LTBP1: variants seen among roughly 807,000 people sequenced by gnomAD.
LTBP1 encodes latent transforming growth factor beta binding protein 1, also known as latent-transforming growth factor beta-binding protein 1.
Under a neutral mutation model 207.6 loss-of-function variants are expected in LTBP1, and 129 were observed. The ratio of observed to expected loss-of-function variants is 0.62; its 90% confidence interval spans 0.54 to 0.72. The LOEUF (loss-of-function observed/expected upper bound fraction) is 0.72. Among genes scored for constraint, LTBP1 ranks in the 30% least tolerant of loss-of-function variants. The probability of loss-of-function intolerance (pLI) is 0.00; values close to 1 mark genes in which losing one functional copy is unlikely to be tolerated. For missense variants in LTBP1, 2,281 were observed against 2,217.2 expected, an observed-to-expected ratio of 1.03 and a Z score of -0.58; for synonymous variants, 963 against 833.7, an observed-to-expected ratio of 1.16 and a Z score of -2.67.
At chr2:32,985,044 G>A (rs1259120817) in intron 2 of LTBP1, among the ~76,000 whole-genome samples, 2 of 152,192 alleles carry the variant, frequency 1.3e-5, no homozygotes, top group African/African-American at 4.8e-5. Flanking sequence ...GTGCTATGTA[G>A]ATATTGACTA....
At chr2:33,356,826 G>A (rs1416734306) in intron 26 of LTBP1, among the ~76,000 whole-genome samples, 4 of 152,132 alleles carry the variant, frequency 2.6e-5, no homozygotes, top group African/African-American at 9.7e-5. Flanking sequence ...GAAATAAAGT[G>A]TCCTGGGTAA....
At chr2:33,059,472 G>A (rs1444798760) in intron 3 of LTBP1, among the ~76,000 whole-genome samples, 2 of 152,164 alleles carry the variant, frequency 1.3e-5, no homozygotes, top group Non-Finnish European at 1.5e-5. Context: ...TTTGGTTTAG[G>A]CTTGCCATGT....
At chr2:33,181,160 T>A (rs1487683222) in intron 5 of LTBP1, among the ~76,000 whole-genome samples, 4 of 152,170 alleles carry the variant, frequency 2.6e-5, no homozygotes, top group Admixed American at 2.6e-4. Context: ...TCAAGAACAT[T>A]CTTAGAGTGC....
intron 5 of LTBP1, among the ~76,000 whole-genome samples, chr2:33,164,542 T>A (rs2084760392): frequency 6.6e-6 from 1 of 152,058 alleles, no homozygotes; most frequent in African/African-American, 2.4e-5. Context: ...TAGTCTATGC[T>A]TTGACTTTAT....
At chr2:33,155,682 T>G (rs1004849766) in intron 5 of LTBP1, among the ~76,000 whole-genome samples, 2 of 152,178 alleles carry the variant, frequency 1.3e-5, no homozygotes, top group African/African-American at 4.8e-5. Flanking sequence ...ACTTTTCTCC[T>G]TTGCCTGTTT....
At chr2:33,153,430 T>C (rs994209414) in intron 5 of LTBP1, among the ~76,000 whole-genome samples, 1 of 152,192 alleles carries the variant, frequency 6.6e-6, no homozygotes, top group African/African-American at 2.4e-5. Flanking sequence ...GGAGTCAGGT[T>C]GGGCCAATAA....
At chr2:33,049,221 C>A (rs1485917948) in intron 3 of LTBP1, among the ~76,000 whole-genome samples, 1 of 152,160 alleles carries the variant, frequency 6.6e-6, no homozygotes, top group Non-Finnish European at 1.5e-5. Context: ...AAACTAAAAT[C>A]TTCCGGAGAG....
At chr2:33,038,764 G>A (rs1318556395) in intron 3 of LTBP1, among the ~76,000 whole-genome samples, 1 of 152,204 alleles carries the variant, frequency 6.6e-6, no homozygotes, top group Non-Finnish European at 1.5e-5. Flanking sequence ...ATGACTATAC[G>A]CTTGAGTCTT....
chr2:33,318,725 G>A (rs926205870), intron 24 of LTBP1, among the ~76,000 whole-genome samples: 19 of 152,078 alleles, frequency 1.2e-4, no homozygotes, highest in African/African-American at 4.3e-4. Flanking sequence ...TATAGCCAGA[G>A]CTTTTATCTT....
chr2:33,164,519 A>G (rs965772481), intron 5 of LTBP1, among the ~76,000 whole-genome samples: 2 of 152,004 alleles, frequency 1.3e-5, no homozygotes, highest in Non-Finnish European at 2.9e-5. Context: ...GCTAATGCTT[A>G]TTTATAGTAT....
chr2:33,103,857 A>G (rs2079900522), intron 3 of LTBP1, among the ~76,000 whole-genome samples: 2 of 152,048 alleles, frequency 1.3e-5, no homozygotes, highest in Admixed American at 6.6e-5. Flanking sequence ...AATTTTGTGG[A>G]GAAGAACTGG....
chr2:33,063,853 C>CTT (rs58115868), intron 3 of LTBP1, among the ~76,000 whole-genome samples: 202 of 147,550 alleles, frequency 1.4e-3, no homozygotes, highest in East Asian at 6.1e-3. Flanking sequence ...ATTGTATATT[C>CTT]TTTTTTTTTT....
At chr2:33,241,927 A>G (rs1299924378) in intron 9 of LTBP1, among the ~76,000 whole-genome samples, 1 of 152,214 alleles carries the variant, frequency 6.6e-6, no homozygotes, top group Non-Finnish European at 1.5e-5. Flanking sequence ...CACACACTTC[A>G]ATAAATAATG....
At chr2:33,024,246 T>G (rs905648807) in intron 3 of LTBP1, among the ~76,000 whole-genome samples, 5 of 152,180 alleles carry the variant, frequency 3.3e-5, no homozygotes, top group Admixed American at 6.5e-5. Flanking sequence ...CATTAGATAT[T>G]CATAAGTGCT....
At chr2:32,997,037 A>G (rs996209062) in intron 2 of LTBP1, among the ~76,000 whole-genome samples, 2 of 152,084 alleles carry the variant, frequency 1.3e-5, no homozygotes, top group African/African-American at 4.8e-5. Flanking sequence ...GGTGCACACC[A>G]CCATGCCTGG....
chr2:33,388,230 T>G (rs1349127507), intron 31 of LTBP1, among the ~76,000 whole-genome samples: 1 of 151,986 alleles, frequency 6.6e-6, no homozygotes, highest in Non-Finnish European at 1.5e-5. Context: ...AAGGGGAGTC[T>G]AGGAGTCAGG....
At chr2:33,310,362 T>C (rs2094166147) in intron 23 of LTBP1, among the ~76,000 whole-genome samples, 1 of 152,206 alleles carries the variant, frequency 6.6e-6, no homozygotes. Context: ...AACTGTACAG[T>C]GCATGAAGGG....
intron 7 of LTBP1, among the ~76,000 whole-genome samples, chr2:33,209,343 AG>A (rs941863862): frequency 2.0e-5 from 3 of 152,128 alleles, no homozygotes; most frequent in African/African-American, 7.2e-5. Context: ...TGGATCCTTG[AG>A]GGGAAGGAGC....
intron 5 of LTBP1, among the ~76,000 whole-genome samples, chr2:33,168,250 G>A (rs1572946910): frequency 6.6e-6 from 1 of 152,072 alleles, no homozygotes; most frequent in African/African-American, 2.4e-5. Context: ...AGGCTTAGTG[G>A]CACATGCCTG....
Sources: allele counts gnomAD v4.1 joint callset (sites outside exome capture counted in the v4.1 genomes callset), GRCh38; gene constraint gnomAD v4.1.1; transcripts MANE v1.5; gene names NCBI Gene and HGNC (gene_info 2026-07-23, HGNC 2026-07-21).